The following CEP70 variants were observed in gnomAD, a reference collection of about 807,000 sequenced individuals.
CEP70 encodes the protein centrosomal protein 70.
A neutral mutation model predicts 90.9 loss-of-function variants in CEP70; 70 were observed. The observed-to-expected ratio is 0.77, with a 90% CI of 0.64 to 0.94. CEP70 has a LOEUF of 0.94. CEP70 is among the 40% of genes least tolerant of loss of function. CEP70 has a pLI of 0.00. For missense variants in CEP70, 648 were observed against 669.0 expected (o/e 0.97, Z 0.35); for synonymous variants, 220 against 228.3 (o/e 0.96, Z 0.33).
chr3:138,509,370 C>G (rs2035308768), intron 11 of CEP70, among the ~76,000 whole-genome samples: 1 of 152,166 alleles, frequency 6.6e-6, no homozygotes, highest in South Asian at 2.1e-4. Flanking sequence ...AATGGCAATG[C>G]CTGGGCCAGT....
chr3:138,536,208 C>CCATACT (rs1560358124), intron 7 of CEP70, among the ~76,000 whole-genome samples: 1 of 151,882 alleles, frequency 6.6e-6, no homozygotes, highest in African/African-American at 2.4e-5. Context: ...TATATAATAT[C>CCATACT]CATACTACTT....
chr3:138,573,882 T>G (rs913190717), intron 2 of CEP70, among the ~76,000 whole-genome samples: 17 of 152,136 alleles, frequency 1.1e-4, no homozygotes, highest in African/African-American at 2.9e-4. Context: ...GGACATCCAC[T>G]GAAGAACTGA....
At chr3:138,532,686 G>T (rs1356896477) in intron 7 of CEP70, 116 bp from the exon 8 acceptor site, 1 of 965,690 alleles carries the variant, frequency 1.0e-6, no homozygotes, top group Non-Finnish European at 1.4e-6. Flanking sequence ...TATCTGGCAG[G>T]CTTTAAAAAA....
intron 17 of CEP70, chr3:138,496,928 A>G (rs2033991799): frequency 9.1e-6 from 9 of 986,410 alleles, no homozygotes; most frequent in Non-Finnish European, 9.6e-6. Context: ...AAATATGTTT[A>G]TTAATGTGCC....
In CEP70 at chr3:138,523,761, G is replaced by T. The variant is rs1444267276; in HGVS notation, c.944+1729C>A. On this transcript the variant is annotated intron_variant, in intron 11 of 17. Coordinates refer to ENST00000264982, the MANE Select transcript of CEP70 (RefSeq NM_024491.4). ...AATGGAAGAACGTTCCATGCTCATGGGTAGGAAGAATCAATATCGTGAAAA... is the reference window on the plus strand; with the variant it reads ...AATGGAAGAACGTTCCATGCTCATGTGTAGGAAGAATCAATATCGTGAAAA... 7.9e-5 allele frequency among the ~76,000 whole-genome samples: 12 copies of T among 152,200 alleles called. No homozygotes were observed. The South Asian group carries it at 8.3e-4, about 11-fold the overall frequency.
At chr3:138,552,786 C>A (rs962143002) in intron 6 of CEP70, among the ~76,000 whole-genome samples, 2 of 152,048 alleles carry the variant, frequency 1.3e-5, no homozygotes, top group African/African-American at 4.8e-5. Context: ...CAAGAACAAA[C>A]CTGACCCAAA....
intron 2 of CEP70, among the ~76,000 whole-genome samples, chr3:138,586,692 G>A (rs935709395): frequency 6.6e-6 from 1 of 152,138 alleles, no homozygotes; most frequent in Admixed American, 6.5e-5. Flanking sequence ...AGAGTAACAG[G>A]TGGGCTGAAA....
chr3:138,503,492 A>G (rs1447058140), intron 13 of CEP70, among the ~76,000 whole-genome samples: 1 of 152,188 alleles, frequency 6.6e-6, no homozygotes, highest in Non-Finnish European at 1.5e-5. Flanking sequence ...TGGTTGTCCC[A>G]AACTTAGAGG....
At chr3:138,571,549 T>C (rs976998374) in intron 3 of CEP70, among the ~76,000 whole-genome samples, 193 bp from the exon 4 acceptor site, 4 of 152,178 alleles carry the variant, frequency 2.6e-5, no homozygotes, top group Non-Finnish European at 5.9e-5. Flanking sequence ...TAGAAGTATG[T>C]AAATAAGCAC....
At chr3:138,589,014 C>A (rs971423351) in intron 2 of CEP70, among the ~76,000 whole-genome samples, 4 of 151,960 alleles carry the variant, frequency 2.6e-5, no homozygotes, top group Admixed American at 6.6e-5. Context: ...AAAATGAAAA[C>A]CAACTGTGGT....
intron 17 of CEP70, 90 bp downstream of exon 17, chr3:138,497,941 A>G (rs1306268036): frequency 6.4e-7 from 1 of 1,556,122 alleles, no homozygotes; most frequent in African/African-American, 1.4e-5. Flanking sequence ...CTAGGTAAAA[A>G]TACTAATCCA....
At chr3:138,568,889 G>A (rs867112515) in intron 6 of CEP70, among the ~76,000 whole-genome samples, 117 of 151,888 alleles carry the variant, frequency 7.7e-4, no homozygotes, top group African/African-American at 2.4e-3. Context: ...TGAGGCAGGA[G>A]AATCGCTTCA....
chr3:138,577,601 T>A (rs534586651), intron 2 of CEP70, among the ~76,000 whole-genome samples: 1 of 152,244 alleles, frequency 6.6e-6, no homozygotes, highest in South Asian at 2.1e-4. Context: ...TGAGACGAGA[T>A]GGTGCCACTG....
chr3:138,528,616 T>C (rs2037514710), intron 10 of CEP70, among the ~76,000 whole-genome samples: 1 of 152,130 alleles, frequency 6.6e-6, no homozygotes, highest in Non-Finnish European at 1.5e-5. Flanking sequence ...TTCCAGTACT[T>C]TGGGAATTCT....
chr3:138,497,230 A>T (rs1423658598), intron 17 of CEP70: 1 of 1,248,600 alleles, frequency 8.0e-7, no homozygotes. Context: ...TTCTAATTAG[A>T]TACTTCTTTC....
intron 6 of CEP70, among the ~76,000 whole-genome samples, chr3:138,557,614 C>T (rs554118922): frequency 2.6e-5 from 4 of 152,150 alleles, no homozygotes; most frequent in Non-Finnish European, 4.4e-5. Flanking sequence ...GGGTCCCTGA[C>T]TTCCCACAAC....
chr3:138,529,877 T>C (rs190141641), intron 8 of CEP70, among the ~76,000 whole-genome samples: 1 of 152,352 alleles, frequency 6.6e-6, no homozygotes, highest in East Asian at 1.9e-4. Flanking sequence ...AAAAAACCTA[T>C]ATGAAGAAAA....
At chr3:138,558,094 G>C (rs749775807) in intron 6 of CEP70, among the ~76,000 whole-genome samples, 2 of 152,246 alleles carry the variant, frequency 1.3e-5, no homozygotes, top group Non-Finnish European at 2.9e-5. Context: ...GCCAGGCACA[G>C]TGGCTCATGC....
intron 2 of CEP70, among the ~76,000 whole-genome samples, chr3:138,588,763 C>T (rs1304356170): frequency 6.6e-6 from 1 of 152,140 alleles, no homozygotes; most frequent in African/African-American, 2.4e-5. Flanking sequence ...GCATTATGTC[C>T]ACACAAAGAC....
Sources: gnomAD v4.1 joint callset for allele counts (sites outside exome capture counted in the v4.1 genomes callset) on GRCh38, gnomAD v4.1.1 for gene constraint, MANE v1.5 for transcripts, NCBI Gene and HGNC (gene_info 2026-07-23, HGNC 2026-07-21) for gene names.